Variants in ERG observed in about 807,000 individuals in gnomAD.
The protein encoded by ERG is transcriptional regulator ERG.
A neutral mutation model predicts 55.3 loss-of-function variants in ERG; 9 were observed. The observed-to-expected ratio is 0.16, with a 90% CI of 0.10 to 0.28. The LOEUF (loss-of-function observed/expected upper bound fraction) is 0.28, where lower values mean the gene tolerates loss of function less well. ERG is among the 10% of genes least tolerant of loss of function. The pLI, the probability that ERG is intolerant of heterozygous loss-of-function variation, is 1.00. For missense variants in ERG, 434 were observed against 631.6 expected, an observed-to-expected ratio of 0.69 and a Z score of 3.35; for synonymous variants, 223 against 237.3, an observed-to-expected ratio of 0.94 and a Z score of 0.55.
At chr21:38,622,860 A>G (rs2060300685) in intron 1 of ERG, among the ~76,000 whole-genome samples, 1 of 150,626 alleles carries the variant, frequency 6.6e-6, no homozygotes, top group South Asian at 2.1e-4. Flanking sequence ...CCACACACCC[A>G]CACCACACAT....
At chr21:38,643,775 T>G (rs1422283457) in intron 1 of ERG, among the ~76,000 whole-genome samples, 1 of 152,196 alleles carries the variant, frequency 6.6e-6, no homozygotes, top group Non-Finnish European at 1.5e-5. Context: ...AAAGGATAAT[T>G]GAAGTGCATG....
chr21:38,584,294 G>A (rs539864157), intron 1 of ERG, among the ~76,000 whole-genome samples: 1 of 152,160 alleles, frequency 6.6e-6, no homozygotes, highest in African/African-American at 2.4e-5. Flanking sequence ...TAGAGAGAGG[G>A]AGCTGACCCT....
At chr21:38,643,101 G>A (rs1424515205) in intron 1 of ERG, among the ~76,000 whole-genome samples, 1 of 152,158 alleles carries the variant, frequency 6.6e-6, no homozygotes, top group Non-Finnish European at 1.5e-5. Flanking sequence ...CTATCCTCAG[G>A]AGTTTTAAAA....
At chr21:38,556,000 G>C (rs1033689823) in intron 2 of ERG, among the ~76,000 whole-genome samples, 6 of 152,048 alleles carry the variant, frequency 3.9e-5, no homozygotes, top group African/African-American at 1.4e-4. Context: ...ATAGTTACAG[G>C]ATATTCAACA....
intron 1 of ERG, among the ~76,000 whole-genome samples, chr21:38,620,775 G>A (rs1348678488): frequency 6.6e-6 from 1 of 152,238 alleles, no homozygotes; most frequent in East Asian, 1.9e-4. Flanking sequence ...GTACACAAGT[G>A]TGGTGGGGAG....
At chr21:38,450,193 C>T (rs748525433) in intron 1 of ERG, among the ~76,000 whole-genome samples, 1 of 132,338 alleles carries the variant, frequency 7.6e-6, no homozygotes, top group Non-Finnish European at 1.6e-5. Flanking sequence ...AGATCGAGAC[C>T]ATACAAAAAT....
intron 1 of ERG, among the ~76,000 whole-genome samples, chr21:38,622,077 G>A (rs1408539312): frequency 6.6e-6 from 1 of 152,226 alleles, no homozygotes; most frequent in Non-Finnish European, 1.5e-5. Flanking sequence ...CCCAGGACAT[G>A]CACGGGAGGA....
At chr21:38,638,788 G>T (rs924394553) in intron 1 of ERG, among the ~76,000 whole-genome samples, 2 of 152,102 alleles carry the variant, frequency 1.3e-5, no homozygotes, top group African/African-American at 4.8e-5. Context: ...TGGAGAAAGG[G>T]GAAATTCAAG....
rs1399080670 is a variant in ERG, at chr21:38,568,900, C to G, written c.-41+6762G>C. 3.3e-5 allele frequency among the ~76,000 whole-genome samples: 5 copies of G among 152,292 alleles called. No homozygotes were observed. The East Asian group carries it at 5.8e-4, about 18-fold the overall frequency. On this transcript the variant is annotated intron_variant, in intron 2 of 8. Coordinates refer to the ERG transcript ENST00000398897. ...CCTGGAAGAGACAGCAAGGTGTGAT[C>G]CCAGGAAGATCCTCTGCCAGGAGGC...
chr21:38,383,334 G>A lies in ERG; in HGVS notation c.*69C>T, dbSNP rs899761503. On this transcript the variant is annotated 3_prime_UTR_variant, in exon 10 of 10. Transcript: ENST00000288319. The surrounding 1 kb of genome is among the most constrained non-coding windows in gnomAD (Gnocchi z 5.7). Reference sequence around the variant, plus strand: ...TCCTCTTGAGGCACTTTTGATTCATGTTCTCCGATAGAGTTTGTGGCGATG... The same window carrying A: ...TCCTCTTGAGGCACTTTTGATTCATATTCTCCGATAGAGTTTGTGGCGATG... 4.1e-5 allele frequency: 57 copies of A among 1,375,168 alleles called. No individual in the cohort carries two copies. The highest frequency in any genetic ancestry group is 1.4e-5 in the Non-Finnish European group (15 of 1,057,992). The allele number at this position is 1,375,168 out of a possible 1,614,324, so 85.2% of individuals were successfully genotyped here. A position where few individuals can be genotyped will look rare whatever the true frequency, so the allele number is the denominator to read the frequency against.
At chr21:38,378,319 T>C (rs1416615255), downstream of ERG, among the ~76,000 whole-genome samples, 2 of 152,186 alleles carry the variant, frequency 1.3e-5, no homozygotes, top group Admixed American at 6.5e-5. Context: ...AGTTGCATGG[T>C]TGTTAAATAA....
intron 2 of ERG, among the ~76,000 whole-genome samples, chr21:38,563,504 G>T (rs2059905041): frequency 1.3e-5 from 2 of 152,210 alleles, no homozygotes; most frequent in Admixed American, 1.3e-4. Flanking sequence ...CAGACACATG[G>T]TCCGTGAGAG....
At chr21:38,531,858 GACAGAACCCAAGTGCAGTGCGTTAC>G (rs2059674407) in intron 2 of ERG, among the ~76,000 whole-genome samples, 1 of 152,120 alleles carries the variant, frequency 6.6e-6, no homozygotes, top group African/African-American at 2.4e-5. Flanking sequence ...GTCAAATTCA[GACAGAACCCAAGTGCAGTGCGTTAC>G]ACAGAACCCA....
intron 1 of ERG, among the ~76,000 whole-genome samples, chr21:38,495,785 C>G (rs1391036055): frequency 6.6e-6 from 1 of 152,166 alleles, no homozygotes; most frequent in Admixed American, 6.5e-5. Context: ...AAACTCCTAA[C>G]TGAAGCACAA....
rs1246870177 is a variant in ERG at position 38,580,116 on chromosome 21, G to A, written c.-126-4369C>T. Among the ~76,000 whole-genome samples, 16 of 152,232 alleles carry A rather than the reference G, an allele frequency of 1.1e-4. No homozygotes were observed. In the East Asian group the frequency reaches 2.5e-3, roughly 24 times the overall value. ...ATTACAGGCGTGAGCCACCACGCCCGGCTAATTTTTTGTATTTTTAGTAGA... is the reference window on the plus strand; with the variant it reads ...ATTACAGGCGTGAGCCACCACGCCCAGCTAATTTTTTGTATTTTTAGTAGA... On this transcript the variant is annotated intron_variant, in intron 1 of 8. Coordinates refer to the ERG transcript ENST00000398897.
At chr21:38,588,711 C>T (rs1387231661), upstream of ERG, among the ~76,000 whole-genome samples, 1 of 152,102 alleles carries the variant, frequency 6.6e-6, no homozygotes, top group South Asian at 2.1e-4. Flanking sequence ...ATGCAAAGCA[C>T]TGCTTTCTGT....
intron 1 of ERG, among the ~76,000 whole-genome samples, chr21:38,486,695 T>C (rs1408105376): frequency 1.3e-5 from 2 of 152,144 alleles, no homozygotes; most frequent in African/African-American, 4.8e-5. Context: ...TAACAGCCCA[T>C]AACAGCTAAC....
intron 2 of ERG, among the ~76,000 whole-genome samples, chr21:38,439,441 A>T (rs2058820166): frequency 6.6e-6 from 1 of 152,232 alleles, no homozygotes; most frequent in Non-Finnish European, 1.5e-5. Context: ...ACTCCCAGCC[A>T]GGCCCTTGGT....
At chr21:38,407,117 C>A (rs1380668608) in intron 3 of ERG, among the ~76,000 whole-genome samples, 1 of 152,116 alleles carries the variant, frequency 6.6e-6, no homozygotes, top group Admixed American at 6.5e-5. Flanking sequence ...GTGCAGATTC[C>A]CTGGCTTAAA....
Sources: allele counts gnomAD v4.1 joint callset (sites outside exome capture counted in the v4.1 genomes callset), GRCh38; gene constraint gnomAD v4.1.1; non-coding constraint Gnocchi (gnomAD v3.1); transcripts MANE v1.5; gene names NCBI Gene and HGNC (gene_info 2026-07-23, HGNC 2026-07-21).